The following RAB31 variants were observed in gnomAD, a reference collection of about 807,000 sequenced individuals.
RAB31 encodes the protein ras-related protein Rab-31.
Under a neutral mutation model 25.6 loss-of-function variants are expected in RAB31, and 21 were observed. That is an observed-to-expected ratio of 0.82 (90% CI 0.58 to 1.18). The LOEUF (loss-of-function observed/expected upper bound fraction) is 1.18. Among genes scored for constraint, RAB31 ranks in the 50% most tolerant of loss-of-function variants. RAB31 has a pLI of 0.00. For missense variants in RAB31, 196 were observed against 250.1 expected (o/e 0.78, Z 1.46); for synonymous variants, 87 against 84.0 (o/e 1.04, Z -0.20).
intron 3 of RAB31, among the ~76,000 whole-genome samples, chr18:9,810,987 T>C (rs2068567485): frequency 6.6e-6 from 1 of 152,212 alleles, no homozygotes; most frequent in Admixed American, 6.5e-5. Context: ...GGAATTCTGA[T>C]TTTGTTTTTT....
At chr18:9,828,277 C>T (rs755524219) in intron 5 of RAB31, among the ~76,000 whole-genome samples, 1 of 152,130 alleles carries the variant, frequency 6.6e-6, no homozygotes, top group Non-Finnish European at 1.5e-5. Context: ...ATGGTGCCCG[C>T]CTCGGCTTCC....
chr18:9,803,915 G>A (rs1359112284), intron 3 of RAB31, among the ~76,000 whole-genome samples: 2 of 152,228 alleles, frequency 1.3e-5, no homozygotes, highest in Non-Finnish European at 2.9e-5. Context: ...GTGCAGAACA[G>A]CCCTCCTGGG....
intron 3 of RAB31, among the ~76,000 whole-genome samples, chr18:9,793,523 G>A (rs560126460): frequency 6.6e-5 from 10 of 152,162 alleles, no homozygotes; most frequent in Non-Finnish European, 1.5e-4. Context: ...TTAGCCAGGT[G>A]TGGTGGTGGG....
chr18:9,819,163 C>A (rs1599052865), intron 5 of RAB31, among the ~76,000 whole-genome samples: 2 of 152,252 alleles, frequency 1.3e-5, no homozygotes, highest in African/African-American at 4.8e-5. Context: ...AAGTGATTGG[C>A]TAATTGAACA....
intron 5 of RAB31, among the ~76,000 whole-genome samples, chr18:9,839,709 T>A (rs1361821811): frequency 1.3e-5 from 2 of 152,090 alleles, no homozygotes; most frequent in Non-Finnish European, 2.9e-5. Context: ...AAGGGGGAGA[T>A]GTGTCCAGAC....
intron 1 of RAB31, among the ~76,000 whole-genome samples, chr18:9,736,808 A>T (rs1427244706): frequency 6.6e-6 from 1 of 152,220 alleles, no homozygotes; most frequent in Non-Finnish European, 1.5e-5. Context: ...AATTCGTATT[A>T]GAAGATGCTA....
In RAB31 at chr18:9,749,747, A is replaced by T. The variant is rs556548868; in HGVS notation, c.40-25531A>T. Among the ~76,000 whole-genome samples, 7 of 152,354 alleles carry T rather than the reference A, an allele frequency of 4.6e-5. No homozygotes were observed. In the South Asian group the frequency reaches 8.3e-4, roughly 18 times the overall value. On this transcript the variant is annotated intron_variant, in intron 1 of 6. Coordinates refer to ENST00000578921, the MANE Select transcript of RAB31 (RefSeq NM_006868.4). ...CTTGATATATTAGTCCAGAGCACAG[A>T]AAATCTATACTTTTAATAGCTTGGA...
intron 3 of RAB31, among the ~76,000 whole-genome samples, chr18:9,812,025 G>A (rs968260150): frequency 3.9e-5 from 6 of 152,200 alleles, no homozygotes; most frequent in Non-Finnish European, 8.8e-5. Context: ...GCCTGTGAGG[G>A]CCCCCTTTCT....
intron 5 of RAB31, among the ~76,000 whole-genome samples, chr18:9,844,272 CG>C (rs1291828655): frequency 5.3e-5 from 8 of 152,112 alleles, no homozygotes; most frequent in Non-Finnish European, 1.0e-4. Context: ...TCTCTCCATT[CG>C]GGCCCGTGTC....
intron 1 of RAB31, among the ~76,000 whole-genome samples, chr18:9,746,141 A>G (rs1195868115): frequency 6.6e-6 from 1 of 152,254 alleles, no homozygotes; most frequent in Non-Finnish European, 1.5e-5. Flanking sequence ...ATTTGAAATT[A>G]CCAAAATGAT....
intron 3 of RAB31, among the ~76,000 whole-genome samples, chr18:9,812,196 G>C (rs369484297): frequency 1.3e-5 from 2 of 152,144 alleles, no homozygotes; most frequent in Non-Finnish European, 2.9e-5. Context: ...ATACCGCCAC[G>C]TTGGGAGTTA....
At chr18:9,770,569 A>G (rs1186251303) in intron 1 of RAB31, among the ~76,000 whole-genome samples, 1 of 152,224 alleles carries the variant, frequency 6.6e-6, no homozygotes, top group Non-Finnish European at 1.5e-5. Context: ...GATGGAACCA[A>G]TTGCTGGGCA....
At chr18:9,843,941 AC>A (rs1394207473) in intron 5 of RAB31, among the ~76,000 whole-genome samples, 5 of 145,518 alleles carry the variant, frequency 3.4e-5, no homozygotes, top group Non-Finnish European at 7.5e-5. Flanking sequence ...GTAACTTTAA[AC>A]CTCTTGAAGC....
At chr18:9,772,462 C>T (rs2068350218) in intron 1 of RAB31, among the ~76,000 whole-genome samples, 1 of 152,208 alleles carries the variant, frequency 6.6e-6, no homozygotes, top group Non-Finnish European at 1.5e-5. Context: ...GTCCTCCTGC[C>T]GTGTGCCTGG....
At chr18:9,804,480 G>T (rs1481267211) in intron 3 of RAB31, among the ~76,000 whole-genome samples, 1 of 152,164 alleles carries the variant, frequency 6.6e-6, no homozygotes, top group African/African-American at 2.4e-5. Context: ...GTTTCAGGGG[G>T]TCTGGAGGTG....
chr18:9,709,716 A>T (rs1188856834), intron 1 of RAB31, among the ~76,000 whole-genome samples: 1 of 152,162 alleles, frequency 6.6e-6, no homozygotes, highest in Middle Eastern at 3.2e-3. Context: ...CCTGGCACAG[A>T]TCCGCACAGA....
At chr18:9,845,555 C>A (rs2068757076) in intron 5 of RAB31, 27 bp from the exon 6 acceptor site, 1 of 1,500,844 alleles carries the variant, frequency 6.7e-7, no homozygotes. Context: ...ACATTCATTT[C>A]CTGTCTACAT....
chr18:9,781,520 C>T (rs1269803905), intron 2 of RAB31, among the ~76,000 whole-genome samples: 2 of 152,182 alleles, frequency 1.3e-5, no homozygotes, highest in African/African-American at 2.4e-5. Context: ...ACCATGTTGG[C>T]CAGGCTGGTC....
intron 4 of RAB31, 34 bp from the exon 5 acceptor site, chr18:9,815,082 T>A: frequency 7.2e-7 from 1 of 1,383,818 alleles, no homozygotes; most frequent in Non-Finnish European, 1.0e-6. Flanking sequence ...TATTGAGGGG[T>A]CTTTCTAATG....
Sources: allele counts gnomAD v4.1 joint callset (sites outside exome capture counted in the v4.1 genomes callset), GRCh38; gene constraint gnomAD v4.1.1; transcripts MANE v1.5; gene names NCBI Gene and HGNC (gene_info 2026-07-23, HGNC 2026-07-21).